Variants in LRP1B observed in about 807,000 individuals in gnomAD.
The protein encoded by LRP1B is low-density lipoprotein receptor-related protein 1B.
LRP1B carries 217 observed loss-of-function variants against 556.6 expected under a neutral mutation model. That is an observed-to-expected ratio of 0.39 (90% CI 0.35 to 0.44). The LOEUF (loss-of-function observed/expected upper bound fraction) is 0.44, where lower values mean the gene tolerates loss of function less well. LRP1B is among the 20% of genes least tolerant of loss of function. LRP1B has a pLI of 1.00. For missense variants in LRP1B, 5,053 were observed against 5,620.8 expected (o/e 0.90, Z 3.23); for synonymous variants, 2,047 against 1,865.8 (o/e 1.10, Z -2.50).
intron 2 of LRP1B, among the ~76,000 whole-genome samples, chr2:141,673,292 C>T (rs1394149488): frequency 6.6e-6 from 1 of 152,122 alleles, no homozygotes; most frequent in East Asian, 1.9e-4. Flanking sequence ...TGTTGAATAC[C>T]TCTAAATGTG....
chr2:141,895,254 G>A (rs1265467841), intron 1 of LRP1B, among the ~76,000 whole-genome samples: 1 of 152,060 alleles, frequency 6.6e-6, no homozygotes, highest in Non-Finnish European at 1.5e-5. Flanking sequence ...CCAATGTGAG[G>A]TGTGTGCAAA....
chr2:140,764,927 A>C (rs1157984965), intron 35 of LRP1B, among the ~76,000 whole-genome samples: 1 of 152,188 alleles, frequency 6.6e-6, no homozygotes, highest in South Asian at 2.1e-4. Flanking sequence ...GGTGTAAAAA[A>C]ATAATAAAAT....
At chr2:140,642,725 T>C (rs1684343376) in intron 41 of LRP1B, among the ~76,000 whole-genome samples, 1 of 152,100 alleles carries the variant, frequency 6.6e-6, no homozygotes, top group Non-Finnish European at 1.5e-5. Flanking sequence ...GCGCCTGTAG[T>C]CCCAGCTACT....
chr2:140,501,563 C>A, intron 55 of LRP1B, 124 bp downstream of exon 55: 1 of 562,106 alleles, frequency 1.8e-6, no homozygotes, highest in Non-Finnish European at 2.9e-6. Flanking sequence ...TATCGACACT[C>A]TCCATTCAAT....
At chr2:141,659,738 A>T (rs993057789) in intron 2 of LRP1B, among the ~76,000 whole-genome samples, 1 of 152,144 alleles carries the variant, frequency 6.6e-6, no homozygotes, top group Admixed American at 6.5e-5. Context: ...AATTAAAGCC[A>T]AGAATAGAAG....
intron 41 of LRP1B, among the ~76,000 whole-genome samples, chr2:140,609,595 G>A (rs1682996352): frequency 6.6e-6 from 1 of 152,140 alleles, no homozygotes; most frequent in Non-Finnish European, 1.5e-5. Flanking sequence ...AATGATCTGT[G>A]AATTATAGTA....
intron 1 of LRP1B, among the ~76,000 whole-genome samples, chr2:141,931,107 C>T (rs933146784): frequency 8.5e-4 from 129 of 152,134 alleles, no homozygotes; most frequent in African/African-American, 3.0e-3. Flanking sequence ...AATACATACA[C>T]ATTCTACTTT....
intron 1 of LRP1B, among the ~76,000 whole-genome samples, chr2:142,110,735 T>C (rs1706958760): frequency 1.3e-5 from 2 of 152,152 alleles, no homozygotes; most frequent in Admixed American, 1.3e-4. Context: ...CACCTTGGGT[T>C]CACCAGATTA....
chr2:140,409,001 T>C (rs1684861096), intron 66 of LRP1B, among the ~76,000 whole-genome samples: 1 of 151,988 alleles, frequency 6.6e-6, no homozygotes, highest in Non-Finnish European at 1.5e-5. Context: ...CTCTTGCTAG[T>C]TCTCTTCCTC....
chr2:141,206,413 C>T (rs1280266597), intron 6 of LRP1B, among the ~76,000 whole-genome samples: 2 of 150,196 alleles, frequency 1.3e-5, no homozygotes, highest in African/African-American at 4.9e-5. Flanking sequence ...AACCCCGTCT[C>T]TACTAAAAAT....
chr2:141,364,657 C>T (rs1383314828), intron 3 of LRP1B, among the ~76,000 whole-genome samples: 1 of 151,998 alleles, frequency 6.6e-6, no homozygotes, highest in East Asian at 1.9e-4. Context: ...ATTCTATATC[C>T]CAAAGTACTT....
At chr2:140,626,583 G>A (rs1306818979) in intron 41 of LRP1B, among the ~76,000 whole-genome samples, 1 of 151,610 alleles carries the variant, frequency 6.6e-6, no homozygotes, top group Non-Finnish European at 1.5e-5. Flanking sequence ...CAATGTAGTG[G>A]AAGATATTTC....
At chr2:140,473,819 T>C (rs1037504434) in intron 60 of LRP1B, among the ~76,000 whole-genome samples, 3 of 151,906 alleles carry the variant, frequency 2.0e-5, no homozygotes, top group African/African-American at 4.8e-5. Flanking sequence ...AGGAAAAATA[T>C]TGATTGTCAC....
At chr2:140,529,353 G>A (rs188674096) in intron 47 of LRP1B, among the ~76,000 whole-genome samples, 120 of 151,602 alleles carry the variant, frequency 7.9e-4, no homozygotes, top group Non-Finnish European at 1.6e-3. Context: ...GTAGTTCTTA[G>A]GATGTTTCTT....
At position 140,601,468 on chromosome 2, in the gene LRP1B, G is replaced by A. The variant is rs2105198133; in HGVS notation, c.6971C>T (p.Ala2324Val). The change falls in exon 42 of 91, where the codon GCC becomes GTC. Residue 2324 changes from alanine to valine, a missense_variant. Physicochemically the swap from Ala to Val is moderately conservative, Grantham distance 64 (BLOSUM62 0). Coordinates refer to ENST00000389484, the MANE Select transcript of LRP1B (RefSeq NM_018557.3). ...MSEDDHPHVL[A>V]LDECQNLMFW... ...TTCTTACTTTTGACATTCATCCAAGGCTAGCACATGTGGATGGTCATCTTC... is the reference window on the plus strand; with the variant it reads ...TTCTTACTTTTGACATTCATCCAAGACTAGCACATGTGGATGGTCATCTTC... 6.2e-7 allele frequency: 1 copy of A among 1,611,688 alleles called. No homozygotes were observed. The highest frequency in any genetic ancestry group is 8.5e-7 in the Non-Finnish European group (1 of 1,178,516).
intron 43 of LRP1B, among the ~76,000 whole-genome samples, chr2:140,554,152 G>A (rs1281498241): frequency 6.6e-6 from 1 of 152,118 alleles, no homozygotes; most frequent in Admixed American, 6.6e-5. Flanking sequence ...AAATAAGATA[G>A]TGAAAAATCA....
chr2:140,358,981 T>G (rs1463120935), intron 72 of LRP1B, 35 bp from the exon 73 acceptor site: 2 of 1,593,008 alleles, frequency 1.3e-6, no homozygotes, highest in Admixed American at 1.7e-5. Flanking sequence ...AGAAGCTCCT[T>G]CGAGTACATT....
At chr2:141,084,072 G>A (rs1158431674) in intron 7 of LRP1B, among the ~76,000 whole-genome samples, 1 of 152,134 alleles carries the variant, frequency 6.6e-6, no homozygotes, top group Admixed American at 6.6e-5. Context: ...CGGTTGGTGT[G>A]AGGATTAAAC....
At chr2:141,142,921 C>CTTTT (rs35543111) in intron 7 of LRP1B, among the ~76,000 whole-genome samples, 3,482 of 101,366 alleles carry the variant, frequency 0.034, 312 homozygotes, top group African/African-American at 0.12. Flanking sequence ...TGTCTGATTA[C>CTTTT]TTTTTTTTTT....
Sources: gnomAD v4.1 joint callset for allele counts (sites outside exome capture counted in the v4.1 genomes callset) on GRCh38, gnomAD v4.1.1 for gene constraint, MANE v1.5 for transcripts, NCBI Gene and HGNC (gene_info 2026-07-23, HGNC 2026-07-21) for gene names.